The following TAF1 variants were observed in gnomAD, a reference collection of about 807,000 sequenced individuals.
The protein encoded by TAF1 is transcription initiation factor TFIID subunit 1.
A neutral mutation model predicts 138.5 loss-of-function variants in TAF1; 2 were observed. The ratio of observed to expected loss-of-function variants is 0.01; its 90% CI spans 0.01 to 0.05. TAF1 has a LOEUF of 0.05. Among genes scored for constraint, TAF1 ranks in the 10% least tolerant of loss-of-function variants. TAF1 has a pLI of 1.00. For missense variants in TAF1, 709 were observed against 1,478.0 expected (o/e 0.48, Z 8.53); for synonymous variants, 437 against 503.2 (o/e 0.87, Z 1.76).
intron 22 of TAF1, among the ~76,000 whole-genome samples, chrX:71,394,822 G>A (rs551839630): frequency 9.1e-6 from 1 of 109,547 alleles, no homozygotes; most frequent in South Asian, 4.0e-4. Flanking sequence ...TATTCCTCCT[G>A]CCTCAGCCTC....
At chrX:71,506,619 C>T (rs1008575062) in intron 13 of TAF1, among the ~76,000 whole-genome samples, 5 of 103,328 alleles carry the variant, frequency 4.8e-5, no homozygotes, top group Non-Finnish European at 9.8e-5. Flanking sequence ...GGCGTGAACC[C>T]GGGAGGCGGA....
intron 26 of TAF1, 80 bp from the exon 27 acceptor site, chrX:71,407,494 A>T (rs1250025728): frequency 1.1e-6 from 1 of 906,073 alleles, no homozygotes; most frequent in Non-Finnish European, 1.6e-6. Context: ...CTGGGATTAC[A>T]GGTGTGAGCT....
intron 13 of TAF1, among the ~76,000 whole-genome samples, chrX:71,518,975 GTGAGCCAC>G (rs758824908): frequency 1.5e-3 from 158 of 107,957 alleles, no homozygotes; most frequent in African/African-American, 5.1e-3. Context: ...GATTACAGAT[GTGAGCCAC>G]TGAGCCACTG....
exon 14 of TAF1, chrX:71,528,582 T>A (rs754559691): frequency 1.2e-5 from 4 of 329,459 alleles, no homozygotes; most frequent in East Asian, 9.8e-5. Flanking sequence ...TCCACAAAGA[T>A]CTCTGGAGCA....
At chrX:71,385,098 T>C (rs1178466407) in intron 14 of TAF1, 49 bp downstream of exon 14, 2 of 974,557 alleles carry the variant, frequency 2.1e-6, no homozygotes, top group Admixed American at 4.9e-5. Flanking sequence ...AATTGATAAA[T>C]GAGGAACCAG....
chrX:71,446,206 C>T (rs151097983), intron 32 of TAF1, among the ~76,000 whole-genome samples: 176 of 111,207 alleles, frequency 1.6e-3, no homozygotes, highest in South Asian at 2.2e-3. Flanking sequence ...CCACTGTGCC[C>T]GGCCTAGTTG....
chrX:71,528,710 G>A, exon 14 of TAF1: 2 of 330,563 alleles, frequency 6.1e-6, no homozygotes, highest in South Asian at 5.2e-5. Flanking sequence ...CAAGAATGAA[G>A]CCGTGGACCT....
intron 32 of TAF1, among the ~76,000 whole-genome samples, chrX:71,430,676 C>A (rs186809125): frequency 9.0e-6 from 1 of 111,302 alleles, no homozygotes; most frequent in African/African-American, 3.3e-5. Context: ...TCAGTTGTTG[C>A]CATGGAATTG....
At chrX:71,402,830 A>G (rs909142468) in intron 25 of TAF1, among the ~76,000 whole-genome samples, 1 of 111,114 alleles carries the variant, frequency 9.0e-6, no homozygotes, top group East Asian at 2.8e-4. Context: ...TGCAGGCATC[A>G]TATTTCACTC....
chrX:71,435,612 A>G (rs1181491634), intron 32 of TAF1, among the ~76,000 whole-genome samples: 3 of 111,758 alleles, frequency 2.7e-5, no homozygotes, highest in Middle Eastern at 4.6e-3. Context: ...TTATACTACT[A>G]GTTGCTCAGT....
intron 13 of TAF1, among the ~76,000 whole-genome samples, chrX:71,508,151 A>G (rs1279862133): frequency 9.6e-6 from 1 of 104,541 alleles, no homozygotes; most frequent in Non-Finnish European, 2.0e-5. Context: ...ACAGCTCACT[A>G]TATAGTTGGG....
In TAF1 at chrX:71,394,094, A is replaced by G. The variant is rs749070407; in HGVS notation, c.3255A>G (p.Ser1085=). 5 of 1,211,196 alleles carry G rather than the reference A, an allele frequency of 4.1e-6. No homozygotes were observed. Among genetic ancestry groups the G allele is most frequent in the Non-Finnish European group, 5.6e-6 (5 of 895,307 alleles). The change falls in exon 22 of 38, where the codon TCA becomes TCG. Residue 1085 remains serine (S), a synonymous_variant. Coordinates refer to ENST00000423759, the MANE Select transcript of TAF1 (RefSeq NM_004606.5). ...TTCTGTCATCAACTGAAGTCTTATCAACTGACACAGACAGCAGCTCAGCTG... is the reference window on the plus strand; with the variant it reads ...TTCTGTCATCAACTGAAGTCTTATCGACTGACACAGACAGCAGCTCAGCTG... The part of the protein sequence containing the change: ...NKVLSSTEVL[S]TDTDSSSAED...
At chrX:71,511,711 G>A (rs1370684224) in intron 13 of TAF1, among the ~76,000 whole-genome samples, 1 of 112,009 alleles carries the variant, frequency 8.9e-6, no homozygotes, top group Admixed American at 9.5e-5. Flanking sequence ...TGCTCTGTTC[G>A]TGAGTATTAA....
intron 28 of TAF1, among the ~76,000 whole-genome samples, chrX:71,419,314 TCCACCTC>T (rs2148574553): frequency 9.4e-6 from 1 of 106,275 alleles, no homozygotes; most frequent in Non-Finnish European, 1.9e-5. Flanking sequence ...GTAAACAAAA[TCCACCTC>T]CCACCTCCCT....
intron 13 of TAF1, among the ~76,000 whole-genome samples, chrX:71,517,154 T>C (rs1335707320): frequency 1.8e-5 from 2 of 110,567 alleles, no homozygotes; most frequent in Middle Eastern, 4.3e-3. Flanking sequence ...ATCACCAGAA[T>C]GTGGGGAGTA....
At chrX:71,479,665 C>T (rs770932310) in intron 13 of TAF1, among the ~76,000 whole-genome samples, 1 of 111,749 alleles carries the variant, frequency 8.9e-6, no homozygotes, top group South Asian at 3.7e-4. Context: ...GAAGGGTATC[C>T]AGAGAGCTTC....
intron 8 of TAF1, 113 bp from the exon 9 acceptor site, chrX:71,381,630 T>A (rs1252585680): frequency 9.8e-6 from 8 of 817,492 alleles, no homozygotes; most frequent in Non-Finnish European, 1.4e-5. Flanking sequence ...CATGAATAAC[T>A]CCACTAACTC....
chrX:71,391,430 T>C (rs1462009362), intron 18 of TAF1, among the ~76,000 whole-genome samples: 2 of 110,442 alleles, frequency 1.8e-5, no homozygotes, highest in East Asian at 2.8e-4. Context: ...AGGCCTGTAA[T>C]CATAGCATTT....
At chrX:71,435,151 A>G (rs921221732) in intron 32 of TAF1, among the ~76,000 whole-genome samples, 2 of 112,359 alleles carry the variant, frequency 1.8e-5, no homozygotes, top group East Asian at 2.8e-4. Flanking sequence ...TGGGATGGAC[A>G]TAGGTAGAAC....
Sources: gnomAD v4.1 joint callset for allele counts (sites outside exome capture counted in the v4.1 genomes callset) on GRCh38, gnomAD v4.1.1 for gene constraint, MANE v1.5 for transcripts, NCBI Gene and HGNC (gene_info 2026-07-23, HGNC 2026-07-21) for gene names.